CSMD1: variants seen among roughly 807,000 people sequenced by gnomAD.
CSMD1 encodes the protein CUB and Sushi multiple domains 1, also known as CUB and sushi domain-containing protein 1.
A neutral mutation model predicts 417.5 loss-of-function variants in CSMD1; 213 were observed. That is an observed-to-expected ratio of 0.51 (90% CI 0.46 to 0.57). The LOEUF (loss-of-function observed/expected upper bound fraction) is 0.57, where lower values mean the gene tolerates loss of function less well. CSMD1 is among the 20% of genes least tolerant of loss of function. The probability of loss-of-function intolerance (pLI) is 0.00; values close to 1 mark genes in which losing one functional copy is unlikely to be tolerated. For missense variants in CSMD1, 6,923 were observed against 4,529.7 expected (o/e 1.53, Z -15.17); for synonymous variants, 2,862 against 1,736.8 (o/e 1.65, Z -16.11).
chr8:4,232,502 C>T (rs1563311568), intron 3 of CSMD1, among the ~76,000 whole-genome samples: 2 of 152,152 alleles, frequency 1.3e-5, no homozygotes, highest in East Asian at 1.9e-4. Flanking sequence ...CCCAGCCACA[C>T]ATGTCCTTTA....
At chr8:4,019,641 G>T (rs1219357717) in intron 4 of CSMD1, among the ~76,000 whole-genome samples, 3 of 152,170 alleles carry the variant, frequency 2.0e-5, no homozygotes, top group African/African-American at 7.2e-5. Context: ...CATGAGGTTA[G>T]AAAGGGAGCT....
chr8:4,222,487 C>T (rs1801098813), intron 3 of CSMD1, among the ~76,000 whole-genome samples: 1 of 151,934 alleles, frequency 6.6e-6, no homozygotes, highest in Non-Finnish European at 1.5e-5. Flanking sequence ...GTAAGTCAGT[C>T]AATAATATAG....
intron 23 of CSMD1, among the ~76,000 whole-genome samples, chr8:3,337,452 C>G (rs368890922): frequency 6.6e-6 from 1 of 152,096 alleles, no homozygotes; most frequent in Non-Finnish European, 1.5e-5. Context: ...TTTAAGCTTG[C>G]GTTTATTTTG....
intron 7 of CSMD1, among the ~76,000 whole-genome samples, chr8:3,659,228 T>A (rs1420870203): frequency 6.6e-6 from 1 of 152,138 alleles, no homozygotes; most frequent in African/African-American, 2.4e-5. Context: ...GGAGGTGAAA[T>A]TGTGTATATT....
chr8:4,989,635 G>C (rs1417051019), intron 1 of CSMD1, among the ~76,000 whole-genome samples: 1 of 152,222 alleles, frequency 6.6e-6, no homozygotes, highest in East Asian at 1.9e-4. Flanking sequence ...AAGGGAAAAG[G>C]TAGCTTAAAT....
chr8:4,824,180 A>G (rs956602023), intron 1 of CSMD1, among the ~76,000 whole-genome samples: 1 of 152,016 alleles, frequency 6.6e-6, no homozygotes, highest in Non-Finnish European at 1.5e-5. Flanking sequence ...TTTTTGGACA[A>G]AGTAGTTTAA....
chr8:4,913,983 A>G (rs937826294), intron 1 of CSMD1, among the ~76,000 whole-genome samples: 3 of 152,242 alleles, frequency 2.0e-5, no homozygotes, highest in African/African-American at 7.2e-5. Context: ...TAAACTATAA[A>G]TTCTGTGATT....
intron 3 of CSMD1, among the ~76,000 whole-genome samples, chr8:4,143,621 G>C (rs1469153262): frequency 6.6e-6 from 1 of 151,026 alleles, no homozygotes; most frequent in Non-Finnish European, 1.5e-5. Context: ...CACTCTGAGG[G>C]TACACCTGAT....
intron 1 of CSMD1, among the ~76,000 whole-genome samples, chr8:4,782,220 T>C (rs1797186728): frequency 6.6e-6 from 1 of 152,194 alleles, no homozygotes; most frequent in South Asian, 2.1e-4. Context: ...TGCTTAATAA[T>C]GTATATCTCA....
chr8:4,774,745 A>G (rs1796761639), intron 1 of CSMD1, among the ~76,000 whole-genome samples: 1 of 152,060 alleles, frequency 6.6e-6, no homozygotes, highest in South Asian at 2.1e-4. Flanking sequence ...CTATTCTCAT[A>G]ACAGACTTCC....
At chr8:3,301,912 C>T (rs1804439110) in intron 25 of CSMD1, among the ~76,000 whole-genome samples, 1 of 152,194 alleles carries the variant, frequency 6.6e-6, no homozygotes, top group East Asian at 1.9e-4. Flanking sequence ...GGAGAAATGA[C>T]AGGGCTTTGT....
At chr8:3,479,752 T>C (rs921765114) in intron 11 of CSMD1, among the ~76,000 whole-genome samples, 1 of 151,610 alleles carries the variant, frequency 6.6e-6, no homozygotes. Context: ...ACGGCTTGAA[T>C]GATGAAAGAC....
At chr8:4,963,038 T>A (rs1052349439) in intron 1 of CSMD1, among the ~76,000 whole-genome samples, 2 of 152,088 alleles carry the variant, frequency 1.3e-5, no homozygotes, top group African/African-American at 2.4e-5. Context: ...CCTCCCACCT[T>A]ACTCCTGCAT....
chr8:4,963,356 T>C (rs1809643837), intron 1 of CSMD1, among the ~76,000 whole-genome samples: 1 of 152,028 alleles, frequency 6.6e-6, no homozygotes, highest in African/African-American at 2.4e-5. Flanking sequence ...CACACCACCC[T>C]GCCCAGCTAA....
chr8:4,055,116 T>C (rs529254231), intron 3 of CSMD1, among the ~76,000 whole-genome samples: 1 of 152,310 alleles, frequency 6.6e-6, no homozygotes, highest in East Asian at 1.9e-4. Flanking sequence ...GAGCTTTGTG[T>C]AGTAGATGAT....
intron 3 of CSMD1, among the ~76,000 whole-genome samples, chr8:4,366,061 C>G (rs1217442764): frequency 2.6e-5 from 4 of 152,080 alleles, no homozygotes; most frequent in Admixed American, 1.3e-4. Flanking sequence ...AGATAGCCTT[C>G]CAATCCATGA....
chr8:3,097,035 G>C lies in CSMD1; in HGVS notation c.6952C>G (p.Gln2318Glu). The C allele has an allele frequency of 1.3e-6, 2 of 1,528,038 alleles. No homozygotes were observed. Among genetic ancestry groups the C allele is most frequent in the Non-Finnish European group, 1.8e-6 (2 of 1,136,188 alleles). The allele number at this position is 1,528,038 out of a possible 1,614,324, so 94.7% of individuals were successfully genotyped here. ...FEGSLPTCEA[Q>E]CPANEVRTGS... Reference sequence around the variant, plus strand: ...GTCCGGACTTCATTTGCTGGGCATTGTGCTGGAGAGAAAAGTACCAGCAAA... The same window carrying C: ...GTCCGGACTTCATTTGCTGGGCATTCTGCTGGAGAGAAAAGTACCAGCAAA... The change falls in exon 47 of 70, where the codon CAA becomes GAA. Residue 2318 changes from glutamine (Q) to glutamate (E), a missense_variant and splice_region_variant. Coordinates refer to ENST00000635120, the MANE Select transcript of CSMD1 (RefSeq NM_033225.6).
chr8:3,196,560 A>T (rs1290403519), intron 33 of CSMD1, among the ~76,000 whole-genome samples: 1 of 152,022 alleles, frequency 6.6e-6, no homozygotes. Flanking sequence ...TCAGGAGGGG[A>T]ATAATTAGAT....
chr8:3,853,005 C>T (rs1221540407), intron 5 of CSMD1, among the ~76,000 whole-genome samples: 2 of 152,126 alleles, frequency 1.3e-5, no homozygotes, highest in East Asian at 3.9e-4. Context: ...CTTGACATCA[C>T]CTCGTCCCCA....
Sources: allele counts gnomAD v4.1 joint callset (sites outside exome capture counted in the v4.1 genomes callset), GRCh38; gene constraint gnomAD v4.1.1; transcripts MANE v1.5; gene names NCBI Gene and HGNC (gene_info 2026-07-23, HGNC 2026-07-21).